The following SENP7 variants were observed in gnomAD, a reference collection of about 807,000 sequenced individuals.
The protein encoded by SENP7 is SUMO specific peptidase 7, also known as sentrin-specific protease 7.
Under a neutral mutation model 141.2 loss-of-function variants are expected in SENP7, and 64 were observed. The observed-to-expected ratio is 0.45, with a 90% CI of 0.37 to 0.56. The LOEUF (loss-of-function observed/expected upper bound fraction) is 0.56, where lower values mean the gene tolerates loss of function less well. Among genes scored for constraint, SENP7 ranks in the 20% least tolerant of loss-of-function variants. The pLI, the probability that SENP7 is intolerant of heterozygous loss-of-function variation, is 0.00. For synonymous variants in SENP7, 382 were observed against 426.4 expected, an observed-to-expected ratio of 0.90 and a Z score of 1.28; for missense variants, 1,025 against 1,212.2, an observed-to-expected ratio of 0.85 and a Z score of 2.29.
intron 7 of SENP7, among the ~76,000 whole-genome samples, chr3:101,371,016 G>A (rs528738439): frequency 3.9e-5 from 6 of 152,268 alleles, no homozygotes; most frequent in Non-Finnish European, 7.4e-5. Context: ...GTGGCCAAGC[G>A]CGGTGGCTCT....
intron 15 of SENP7, 59 bp downstream of exon 15, chr3:101,341,587 A>G: frequency 7.5e-7 from 1 of 1,335,592 alleles, no homozygotes; most frequent in Non-Finnish European, 9.9e-7. Flanking sequence ...AAAAGCAGCA[A>G]CATGAATAAA....
chr3:101,491,751 A>T (rs1391690911), intron 3 of SENP7, among the ~76,000 whole-genome samples: 2 of 152,246 alleles, frequency 1.3e-5, no homozygotes, highest in African/African-American at 2.4e-5. Flanking sequence ...AATTTTAAGC[A>T]AAGAATACTG....
rs890903636 is a variant in SENP7, at chr3:101,449,259, A to T, written c.284+9696T>A. On this transcript the variant is annotated intron_variant, in intron 4 of 23. Coordinates refer to ENST00000394095, the MANE Select transcript of SENP7 (RefSeq NM_020654.5). ...TCTACGTCTGATTGGTGTACCTGAA[A>T]GTGACGGAGAGAATGGAACCAAGTT... 3.9e-5 allele frequency among the ~76,000 whole-genome samples: 6 copies of T among 152,322 alleles called. No homozygotes were observed. The South Asian group carries it at 1.2e-3, about 32-fold the overall frequency.
At chr3:101,468,072 G>C (rs62280733) in intron 3 of SENP7, among the ~76,000 whole-genome samples, 1 of 152,034 alleles carries the variant, frequency 6.6e-6, no homozygotes. Context: ...CACAAGCTTC[G>C]ATAGACAATT....
chr3:101,411,497 T>A (rs2061457216), intron 5 of SENP7, among the ~76,000 whole-genome samples: 1 of 152,148 alleles, frequency 6.6e-6, no homozygotes, highest in South Asian at 2.1e-4. Context: ...ACTTATCCAG[T>A]TTGGGTACCC....
chr3:101,439,346 A>T, intron 4 of SENP7, among the ~76,000 whole-genome samples: 1 of 55,068 alleles, frequency 1.8e-5, no homozygotes, highest in South Asian at 7.8e-4. Flanking sequence ...CAGCCACCCC[A>T]TCTGGGAAGT....
intron 1 of SENP7, among the ~76,000 whole-genome samples, chr3:101,503,466 A>G (rs1347032681): frequency 6.6e-6 from 1 of 152,252 alleles, no homozygotes; most frequent in African/African-American, 2.4e-5. Flanking sequence ...ATATCCATCA[A>G]GTATGGATAA....
intron 6 of SENP7, among the ~76,000 whole-genome samples, chr3:101,382,393 A>G (rs1179059860): frequency 6.6e-6 from 1 of 152,114 alleles, no homozygotes; most frequent in Non-Finnish European, 1.5e-5. Flanking sequence ...TATGCTTCCC[A>G]GGCTGATCTT....
chr3:101,348,685 G>C (rs141123875), intron 12 of SENP7, among the ~76,000 whole-genome samples: 1 of 151,868 alleles, frequency 6.6e-6, no homozygotes, highest in South Asian at 2.1e-4. Flanking sequence ...AATTCCTCCA[G>C]GTTTTATTTC....
At chr3:101,335,476 C>G (rs985455507) in intron 17 of SENP7, among the ~76,000 whole-genome samples, 1 of 151,982 alleles carries the variant, frequency 6.6e-6, no homozygotes, top group African/African-American at 2.4e-5. Flanking sequence ...CTTAACAGAC[C>G]AAGCATTAGT....
chr3:101,462,012 C>A (rs1022892705), intron 3 of SENP7, among the ~76,000 whole-genome samples: 3 of 151,966 alleles, frequency 2.0e-5, no homozygotes, highest in African/African-American at 7.3e-5. Flanking sequence ...GGGAAGTTGG[C>A]AGAATAGAGA....
At chr3:101,410,885 T>TAAAATAAAATAAAATAAAATAAAAG (rs1559785247) in intron 5 of SENP7, among the ~76,000 whole-genome samples, 2 of 151,384 alleles carry the variant, frequency 1.3e-5, no homozygotes, top group African/African-American at 2.4e-5. Context: ...TAAAATAAAA[T>TAAAATAAAATAAAATAAAATAAAAG]AAAAGAATTA....
At chr3:101,326,264 A>G (rs1180305502) in intron 23 of SENP7, among the ~76,000 whole-genome samples, 184 bp from the exon 24 acceptor site, 1 of 152,120 alleles carries the variant, frequency 6.6e-6, no homozygotes, top group Non-Finnish European at 1.5e-5. Context: ...TATTCACAAA[A>G]TCAAATCCAT....
At chr3:101,374,850 A>C (rs2060276110) in intron 6 of SENP7, among the ~76,000 whole-genome samples, 1 of 151,990 alleles carries the variant, frequency 6.6e-6, no homozygotes, top group African/African-American at 2.4e-5. Flanking sequence ...ATGGGAGAAA[A>C]TATCTCCCAC....
chr3:101,347,933 G>A lies in SENP7; in HGVS notation c.1776C>T (p.Val592=), dbSNP rs2059511115. 6.2e-7 allele frequency: 1 copy of A among 1,609,026 alleles called. No homozygotes were observed. Among genetic ancestry groups the A allele is most frequent in the Non-Finnish European group, 8.5e-7 (1 of 1,176,472 alleles). Residue 592 remains valine (V), a synonymous_variant, in exon 13 of 24, where the codon GTC becomes GTT. Coordinates refer to ENST00000394095, the MANE Select transcript of SENP7 (RefSeq NM_020654.5). ...GAATCTCTTGAAGATAATCTGAAGA[G>A]ACCCAGAAGAAAAGAATAGCATGAC... is the stretch of plus-strand genomic sequence containing the variant. The part of the protein sequence containing the change: ...KRSHAILFFW[V]SSDYLQEIQT...
chr3:101,402,245 C>A (rs1269015074), intron 5 of SENP7, among the ~76,000 whole-genome samples: 1 of 152,142 alleles, frequency 6.6e-6, no homozygotes, highest in East Asian at 1.9e-4. Flanking sequence ...GGCTGACTCT[C>A]TTGTTAGGGG....
At position 101,414,475 on chromosome 3, in the gene SENP7, A is replaced by G. The variant is rs1350418856; in HGVS notation, c.482+3118T>C. 4 of 1,499,354 alleles carry G rather than the reference A, an allele frequency of 2.7e-6. No individual in the cohort carries two copies. In the African/African-American group the frequency reaches 5.5e-5, roughly 21 times the overall value. 92.9% of individuals were successfully genotyped at this position (1,499,354 alleles called of 1,614,324 possible). On this transcript the variant is annotated intron_variant, in intron 5 of 23. Transcript: ENST00000394095. ...CCTGGCCCAGTGTACCACGCAATGC[A>G]ACAACAAAGCCAAAGATTCAATAGC... is the stretch of plus-strand genomic sequence containing the variant.
At chr3:101,433,062 C>T (rs2062243817) in intron 4 of SENP7, among the ~76,000 whole-genome samples, 2 of 152,086 alleles carry the variant, frequency 1.3e-5, no homozygotes, top group African/African-American at 4.8e-5. Flanking sequence ...CTTTTCAAGA[C>T]AGTCAATACA....
chr3:101,427,105 A>T (rs907072430), intron 4 of SENP7, among the ~76,000 whole-genome samples: 53 of 152,192 alleles, frequency 3.5e-4, no homozygotes, highest in African/African-American at 1.3e-3. Context: ...AATACAGGCA[A>T]ATCAAATCCA....
Sources: allele counts gnomAD v4.1 joint callset (sites outside exome capture counted in the v4.1 genomes callset), GRCh38; gene constraint gnomAD v4.1.1; transcripts MANE v1.5; gene names NCBI Gene and HGNC (gene_info 2026-07-23, HGNC 2026-07-21).